The following DCDC1 variants were observed in gnomAD, a reference collection of about 807,000 sequenced individuals.
DCDC1 encodes the protein doublecortin domain containing 1.
A neutral mutation model predicts 178.3 loss-of-function variants in DCDC1; 200 were observed. The ratio of observed to expected loss-of-function variants is 1.12; its 90% confidence interval spans 1.00 to 1.26. The LOEUF is 1.26. Ranked by LOEUF, DCDC1 falls within the 50% of genes most tolerant of loss-of-function variation. DCDC1 has a pLI of 0.00. For missense variants in DCDC1, 1,983 were observed against 1,749.2 expected, an observed-to-expected ratio of 1.13 and a Z score of -2.38; for synonymous variants, 690 against 604.8, an observed-to-expected ratio of 1.14 and a Z score of -2.07.
intron 2 of DCDC1, 80 bp from the exon 3 acceptor site, chr11:31,328,366 A>T (rs958345760): frequency 3.3e-5 from 45 of 1,359,010 alleles, no homozygotes; most frequent in Non-Finnish European, 4.4e-5. Flanking sequence ...CATTAAACAC[A>T]ACTTACTTGT....
chr11:31,116,902 C>A (rs1218374600), intron 11 of DCDC1, among the ~76,000 whole-genome samples: 1 of 151,778 alleles, frequency 6.6e-6, no homozygotes, highest in Non-Finnish European at 1.5e-5. Context: ...AAAAGGCATA[C>A]CAAAGAAGAT....
chr11:31,329,673 G>C (rs1337998402), intron 2 of DCDC1, among the ~76,000 whole-genome samples: 1 of 152,100 alleles, frequency 6.6e-6, no homozygotes, highest in African/African-American at 2.4e-5. Flanking sequence ...CCTTGTGATA[G>C]TTTGCTCAGA....
intron 7 of DCDC1, among the ~76,000 whole-genome samples, chr11:31,287,795 G>C (rs900745690): frequency 5.3e-5 from 8 of 151,750 alleles, no homozygotes; most frequent in African/African-American, 1.9e-4. Flanking sequence ...TCAGGGAAAA[G>C]AAATCCAACA....
intron 29 of DCDC1, among the ~76,000 whole-genome samples, chr11:30,908,319 A>C (rs1247508078): frequency 6.6e-6 from 1 of 152,206 alleles, no homozygotes; most frequent in Non-Finnish European, 1.5e-5. Context: ...TGCCACAAAG[A>C]AGAAAGTAAA....
chr11:30,996,460 C>A (rs1370607612), intron 20 of DCDC1, among the ~76,000 whole-genome samples: 2 of 115,888 alleles, frequency 1.7e-5, no homozygotes, highest in Admixed American at 8.6e-5. Context: ...GAGACTTAAT[C>A]CCCAGTGCAA....
chr11:31,095,404 C>T (rs935747449), intron 15 of DCDC1, among the ~76,000 whole-genome samples: 3 of 152,196 alleles, frequency 2.0e-5, no homozygotes, highest in Non-Finnish European at 4.4e-5. Flanking sequence ...CTCCCACCAA[C>T]AGTGTAAAAG....
intron 16 of DCDC1, among the ~76,000 whole-genome samples, chr11:31,091,776 C>T (rs946427921): frequency 5.3e-5 from 8 of 151,970 alleles, no homozygotes; most frequent in Non-Finnish European, 8.8e-5. Context: ...TTTTTCTGTG[C>T]ATATTTCACA....
In DCDC1 at chr11:31,152,169, A is replaced by C. The variant is rs79627871; in HGVS notation, c.1222-14385T>G. On this transcript the variant is annotated intron_variant, in intron 9 of 38. Coordinates refer to ENST00000684477, the MANE Select transcript of DCDC1 (RefSeq NM_001387274.1). ...TCTAATTGAAAGCTGTCTCCTCATC[A>C]CAGTGCAAATTAGACTTGCGACACA... Among the ~76,000 whole-genome samples the C allele has an allele frequency of 5.7e-3, 871 of 152,266 alleles. 6 individuals are homozygous for C. Among genetic ancestry groups the C allele is most frequent in the African/African-American group, 0.02 (839 of 41,542 alleles).
Position 31,069,277 on chromosome 11 carries a change from C to G in DCDC1, c.2299-4124G>C, listed in dbSNP as rs571765964. ...TAATTTTGGAACGAGATTTTTGAATCACTAAGCTAATCCAAAACATTAGCA... is the reference window on the plus strand; with the variant it reads ...TAATTTTGGAACGAGATTTTTGAATGACTAAGCTAATCCAAAACATTAGCA... On this transcript the variant is annotated intron_variant, in intron 18 of 38. Transcript: ENST00000684477. 2.0e-5 allele frequency among the ~76,000 whole-genome samples: 3 copies of G among 152,218 alleles called. No homozygotes were observed. In the South Asian group the frequency reaches 6.2e-4, roughly 32 times the overall value.
At chr11:30,890,560 G>T (rs1019128669) in intron 36 of DCDC1, among the ~76,000 whole-genome samples, 20 of 152,012 alleles carry the variant, frequency 1.3e-4, no homozygotes, top group Non-Finnish European at 2.4e-4. Flanking sequence ...CATTCTATTA[G>T]TACTTCTCTC....
In DCDC1 at chr11:30,929,749, T is replaced by C. The variant is rs540313021; in HGVS notation, c.2897+2022A>G. On this transcript the variant is annotated intron_variant, in intron 22 of 38. Transcript: ENST00000684477. ...TTAAATGTAACTTATAAAATTTTTC[T>C]TGTTTAACTTACATTTCTGAGAGAC... Among the ~76,000 whole-genome samples, 15 of 152,228 alleles carry C rather than the reference T, an allele frequency of 9.9e-5. No individual in the cohort carries two copies. In the East Asian group the frequency reaches 2.1e-3, roughly 22 times the overall value.
At chr11:31,321,519 A>G (rs1327919381) in intron 3 of DCDC1, among the ~76,000 whole-genome samples, 1 of 152,068 alleles carries the variant, frequency 6.6e-6, no homozygotes, top group Non-Finnish European at 1.5e-5. Context: ...CGGCTCGCGC[A>G]CGGTGCACAC....
chr11:31,069,466 A>G (rs1956431851), intron 18 of DCDC1, among the ~76,000 whole-genome samples: 1 of 152,210 alleles, frequency 6.6e-6, no homozygotes, highest in African/African-American at 2.4e-5. Context: ...ATGGAGAAGC[A>G]GATTATTTCA....
At chr11:31,098,849 C>G (rs1371792600) in intron 15 of DCDC1, among the ~76,000 whole-genome samples, 3 of 152,150 alleles carry the variant, frequency 2.0e-5, no homozygotes, top group African/African-American at 7.2e-5. Context: ...TCTTTGAAAG[C>G]TTCTCTTTAC....
chr11:31,084,713 A>G (rs1957370909), intron 17 of DCDC1, among the ~76,000 whole-genome samples: 1 of 151,958 alleles, frequency 6.6e-6, no homozygotes, highest in South Asian at 2.1e-4. Flanking sequence ...TCTAGATTAA[A>G]CAAAATCTTT....
At chr11:31,237,892 T>C (rs1471894209) in intron 9 of DCDC1, among the ~76,000 whole-genome samples, 1 of 152,090 alleles carries the variant, frequency 6.6e-6, no homozygotes, top group Non-Finnish European at 1.5e-5. Flanking sequence ...TTCACATTTT[T>C]TCATGGCTTA....
intron 9 of DCDC1, among the ~76,000 whole-genome samples, chr11:31,163,775 C>T (rs917156782): frequency 1.3e-5 from 2 of 152,126 alleles, no homozygotes; most frequent in African/African-American, 2.4e-5. Flanking sequence ...TAGAAATTCT[C>T]ATCTGGACAC....
intron 3 of DCDC1, among the ~76,000 whole-genome samples, chr11:31,317,008 G>T (rs1231197111): frequency 1.8e-5 from 1 of 55,476 alleles, no homozygotes; most frequent in East Asian, 2.7e-4. Flanking sequence ...CTGTTCCATT[G>T]ATCTATATTT....
chr11:30,913,257 A>T (rs1483808361), intron 27 of DCDC1, among the ~76,000 whole-genome samples: 1 of 151,916 alleles, frequency 6.6e-6, no homozygotes, highest in Non-Finnish European at 1.5e-5. Flanking sequence ...AAATACAAAA[A>T]ATTAGCTGGG....
Sources: gnomAD v4.1 joint callset for allele counts (sites outside exome capture counted in the v4.1 genomes callset) on GRCh38, gnomAD v4.1.1 for gene constraint, MANE v1.5 for transcripts, NCBI Gene and HGNC (gene_info 2026-07-23, HGNC 2026-07-21) for gene names.